Variants in ACACB observed in about 807,000 individuals in gnomAD.
The protein encoded by ACACB is acetyl-CoA carboxylase 2.
In ACACB, 209 loss-of-function variants were observed where a neutral mutation model predicts 278.8. That is an observed-to-expected ratio of 0.75 (90% CI 0.67 to 0.84). ACACB has a LOEUF of 0.84. ACACB is among the 40% of genes least tolerant of loss of function. ACACB has a pLI of 0.00. For missense variants in ACACB, 2,850 were observed against 3,269.0 expected (o/e 0.87, Z 3.13); for synonymous variants, 1,174 against 1,285.6 (o/e 0.91, Z 1.86).
chr12:109,222,819 C>T lies in ACACB; in HGVS notation c.3699C>T (p.Leu1233=), dbSNP rs1006530806. The change falls in exon 26 of 53, where the codon CTC becomes CTT. Residue 1233 remains leucine (L), a synonymous_variant. Transcript: ENST00000338432. ...RARQILIASH[L]PSYELRHNQV... Reference sequence around the variant, plus strand: ...TGCAGATCCTGATTGCCTCCCACCTCCCCTCCTACGAGCTGCGGCATAACC... The same window carrying T: ...TGCAGATCCTGATTGCCTCCCACCTTCCCTCCTACGAGCTGCGGCATAACC... 5.0e-6 allele frequency: 8 copies of T among 1,613,660 alleles called. No individual in the cohort carries two copies. The highest frequency in any genetic ancestry group is 1.7e-5 in the Admixed American group (1 of 59,990).
At chr12:109,246,610 A>G in intron 39 of ACACB, among the ~76,000 whole-genome samples, 162 bp downstream of exon 39, 1 of 152,284 alleles carries the variant, frequency 6.6e-6, no homozygotes, top group African/African-American at 2.4e-5. Context: ...CAGTGATACT[A>G]ACATTTCACT....
At position 109,209,251 on chromosome 12, in the gene ACACB, G is replaced by GAT; in HGVS notation, c.3147_3148insAT (p.Ala1050MetfsTer16). ...AGCTGCAGGAGATCATGACCAGCGT[G>GAT]GCAGGCCGCATCCCCGCCCCTGTGG... is the stretch of plus-strand genomic sequence containing the variant. On this transcript the variant is annotated frameshift_variant, in exon 21 of 53. Transcript: ENST00000338432. LOFTEE classifies it high-confidence loss of function. The GAT allele has an allele frequency of 1.9e-6, 3 of 1,611,652 alleles. No homozygotes were observed. Among genetic ancestry groups the GAT allele is most frequent in the Non-Finnish European group, 2.5e-6 (3 of 1,179,682 alleles).
At chr12:109,224,398 G>A (rs1371107221) in intron 27 of ACACB, among the ~76,000 whole-genome samples, 2 of 151,850 alleles carry the variant, frequency 1.3e-5, no homozygotes, top group Non-Finnish European at 2.9e-5. Flanking sequence ...GGCGTGGCCA[G>A]TAGCAAAACC....
At chr12:109,251,483 T>G (rs2047093398) in intron 41 of ACACB, among the ~76,000 whole-genome samples, 1 of 152,190 alleles carries the variant, frequency 6.6e-6, no homozygotes, top group Non-Finnish European at 1.5e-5. Context: ...TCCTTGGGCT[T>G]GTTTTCTAGA....
chr12:109,221,792 G>A (rs541186635), intron 24 of ACACB, among the ~76,000 whole-genome samples: 2 of 152,214 alleles, frequency 1.3e-5, no homozygotes, highest in East Asian at 3.9e-4. Flanking sequence ...CTCTTCGTGG[G>A]GGTGGGAGAA....
At chr12:109,157,800 G>A (rs2043590943) in intron 2 of ACACB, among the ~76,000 whole-genome samples, 1 of 152,212 alleles carries the variant, frequency 6.6e-6, no homozygotes, top group Admixed American at 6.5e-5. Context: ...CATGGCATGA[G>A]AACGGGGTCA....
intron 9 of ACACB, among the ~76,000 whole-genome samples, 159 bp from the exon 10 acceptor site, chr12:109,178,929 T>C (rs1470719608): frequency 1.3e-5 from 2 of 152,206 alleles, no homozygotes; most frequent in African/African-American, 4.8e-5. Flanking sequence ...CCACAGAATA[T>C]TATGTCTGTG....
At chr12:109,256,264 C>T in intron 45 of ACACB, 28 bp downstream of exon 45, 2 of 1,593,532 alleles carry the variant, frequency 1.3e-6, no homozygotes, top group Non-Finnish European at 1.7e-6. Flanking sequence ...AGCAGGCTGC[C>T]CATGTCTGAC....
intron 2 of ACACB, among the ~76,000 whole-genome samples, chr12:109,150,820 C>T (rs745567460): frequency 5.1e-4 from 77 of 152,122 alleles, no homozygotes; most frequent in Non-Finnish European, 1.1e-3. Context: ...TTTTTATGCG[C>T]CCCTGAGTGA....
At chr12:109,143,135 CCT>C (rs1171973088) in intron 2 of ACACB, among the ~76,000 whole-genome samples, 1 of 151,954 alleles carries the variant, frequency 6.6e-6, no homozygotes, top group Non-Finnish European at 1.5e-5. Context: ...AGTCCCTTCC[CCT>C]CTCTGAGTCT....
intron 2 of ACACB, among the ~76,000 whole-genome samples, chr12:109,160,265 G>A (rs1472100293): frequency 1.3e-5 from 2 of 152,144 alleles, no homozygotes; most frequent in Non-Finnish European, 2.9e-5. Context: ...TAGATTCTGA[G>A]GTCAGCTAGA....
chr12:109,238,011 CAAAA>C (rs538671568), intron 34 of ACACB, among the ~76,000 whole-genome samples: 7 of 61,314 alleles, frequency 1.1e-4, no homozygotes, highest in Admixed American at 1.8e-4. Context: ...GACCCTATCA[CAAAA>C]AAAAAAAAAA....
At chr12:109,240,564 A>G (rs948650688) in intron 35 of ACACB, among the ~76,000 whole-genome samples, 1 of 148,344 alleles carries the variant, frequency 6.7e-6, no homozygotes, top group Admixed American at 6.8e-5. Flanking sequence ...TCGATATATT[A>G]ATATTATTAA....
At chr12:109,179,043 G>T in intron 9 of ACACB, 45 bp from the exon 10 acceptor site, 7 of 1,575,822 alleles carry the variant, frequency 4.4e-6, no homozygotes, top group Non-Finnish European at 6.1e-6. Context: ...AGCTTCCAGA[G>T]CTGGTTTCCC....
At chr12:109,222,209 A>G (rs1157178598) in intron 24 of ACACB, among the ~76,000 whole-genome samples, 1 of 152,034 alleles carries the variant, frequency 6.6e-6, no homozygotes, top group Non-Finnish European at 1.5e-5. Context: ...CTGGCTATTA[A>G]TAGTAACGTA....
intron 21 of ACACB, 126 bp downstream of exon 21, chr12:109,209,479 C>G (rs1198553890): frequency 1.0e-6 from 1 of 954,242 alleles, no homozygotes; most frequent in African/African-American, 1.6e-5. Flanking sequence ...CCTAACATAT[C>G]AGGGGCCGAG....
At chr12:109,147,391 C>CTTTTTTTT (rs34959945) in intron 2 of ACACB, among the ~76,000 whole-genome samples, 15 of 116,204 alleles carry the variant, frequency 1.3e-4, no homozygotes, top group South Asian at 3.1e-4. Flanking sequence ...TGTCTGGCTA[C>CTTTTTTTT]TTTTTTTTTT....
intron 2 of ACACB, among the ~76,000 whole-genome samples, chr12:109,165,943 A>T (rs1109760): frequency 0.067 from 10,243 of 152,248 alleles, 376 homozygotes; most frequent in African/African-American, 0.074. Flanking sequence ...ACAGAGCAGG[A>T]AACCTGTTTT....
At position 109,216,637 on chromosome 12, in the gene ACACB, G is replaced by A. The variant is rs567554237; in HGVS notation, c.3370G>A (p.Gly1124Ser). ...LVQRYRSGIR[G>S]YMKTVVLDLL... is the part of the protein sequence containing the mutation. ...CCCCAGATACCGCAGCGGGATCCGC[G>A]GCTATATGAAAACAGTGGTGTTGGA... Residue 1124 changes from glycine to serine, a missense_variant, in exon 23 of 53, where the codon GGC (glycine) becomes AGC (serine). Around this residue, in one of 3 missense-constraint regions of ACACB, gnomAD observed 2,265 missense variants for 2,561.3 expected, o/e 0.88. Coordinates refer to ENST00000338432, the MANE Select transcript of ACACB (RefSeq NM_001093.4). 63 of 1,614,118 alleles carry A rather than the reference G, an allele frequency of 3.9e-5. No individual in the cohort carries two copies. Among genetic ancestry groups the A allele is most frequent in the East Asian group, 3.8e-4 (17 of 44,888 alleles).
Sources: gnomAD v4.1 joint callset for allele counts (sites outside exome capture counted in the v4.1 genomes callset) on GRCh38, gnomAD v4.1.1 for gene constraint, gnomAD v4.1.1 regional missense constraint, MANE v1.5 for transcripts, NCBI Gene and HGNC (gene_info 2026-07-23, HGNC 2026-07-21) for gene names.